FAM135B: variants seen among roughly 807,000 people sequenced by gnomAD.
The protein encoded by FAM135B is family with sequence similarity 135 member B.
A neutral mutation model predicts 127.7 loss-of-function variants in FAM135B; 43 were observed. The observed-to-expected ratio is 0.34, with a 90% CI of 0.26 to 0.43. The LOEUF (loss-of-function observed/expected upper bound fraction) is 0.43. Among genes scored for constraint, FAM135B ranks in the 20% least tolerant of loss-of-function variants. FAM135B has a pLI of 1.00. For missense variants in FAM135B, 1,558 were observed against 1,725.6 expected (o/e 0.90, Z 1.72); for synonymous variants, 670 against 665.1 (o/e 1.01, Z -0.11).
rs764191800 is a variant in FAM135B, at chr8:138,152,844, T to A, written c.1631A>T (p.Glu544Val). 10 of 1,614,088 alleles carry A rather than the reference T, an allele frequency of 6.2e-6. No individual in the cohort carries two copies. Among genetic ancestry groups the A allele is most frequent in the African/African-American group, 2.7e-5 (2 of 74,946 alleles). The change falls in exon 13 of 20, where the codon GAG becomes GTG. Residue 544 changes from glutamate to valine, a missense_variant. Physicochemically the swap from Glu to Val is moderately radical, Grantham distance 121 (BLOSUM62 -2). This residue lies in a region of FAM135B where 923 missense variants were observed against 865.3 expected (regional missense o/e 1.07). Transcript: ENST00000395297. ...GGTCAGCACTGGGGCCTGTCCATCCTCTGGACCTGGACTCCTTCTAGAAGT... is the reference window on the plus strand; with the variant it reads ...GGTCAGCACTGGGGCCTGTCCATCCACTGGACCTGGACTCCTTCTAGAAGT... ...VDTSRRSPGP[E>V]DGQAPVLTYI...
At chr8:138,489,741 C>CACATCCT (rs1233726333) in intron 1 of FAM135B, among the ~76,000 whole-genome samples, 1 of 152,206 alleles carries the variant, frequency 6.6e-6, no homozygotes, top group African/African-American at 2.4e-5. Context: ...TCTGAGCCCA[C>CACATCCT]ACATCCTACT....
At chr8:138,238,342 T>C (rs963018710) in intron 7 of FAM135B, among the ~76,000 whole-genome samples, 11 of 152,194 alleles carry the variant, frequency 7.2e-5, no homozygotes, top group African/African-American at 2.4e-4. Context: ...GGCATTAGTA[T>C]ATCCTTTGAC....
intron 1 of FAM135B, among the ~76,000 whole-genome samples, chr8:138,390,484 T>C (rs1832500558): frequency 6.6e-6 from 1 of 152,188 alleles, no homozygotes; most frequent in Non-Finnish European, 1.5e-5. Context: ...CACACCTCTT[T>C]TTCTTTATAA....
intron 13 of FAM135B, among the ~76,000 whole-genome samples, chr8:138,149,652 C>A (rs1817960933): frequency 6.6e-6 from 1 of 152,080 alleles, no homozygotes; most frequent in Non-Finnish European, 1.5e-5. Flanking sequence ...TTAGCCTCAT[C>A]ATCATCATCA....
chr8:138,429,486 G>A lies in FAM135B; in HGVS notation c.-19-61484C>T, dbSNP rs147418186. On this transcript the variant is annotated intron_variant, in intron 1 of 19. Coordinates refer to ENST00000395297, the MANE Select transcript of FAM135B (RefSeq NM_015912.4). ...TATTTTAACTGCACCTTCTTGGCAC[G>A]TAAAGGAAGCAAACAACAATTTGTT... Among the ~76,000 whole-genome samples, 20 of 152,236 alleles carry A rather than the reference G, an allele frequency of 1.3e-4. No homozygotes were observed. The East Asian group carries it at 2.5e-3, about 19-fold the overall frequency.
chr8:138,266,038 A>T (rs1227202910), intron 3 of FAM135B, among the ~76,000 whole-genome samples, 196 bp from the exon 4 acceptor site: 1 of 152,126 alleles, frequency 6.6e-6, no homozygotes, highest in Admixed American at 6.5e-5. Context: ...ATCTCAGAAA[A>T]ACCTTGTTCC....
rs1412047817 is a variant in FAM135B, at chr8:138,496,884, G to C, written c.-233C>G. On this transcript the variant is annotated 5_prime_UTR_variant, in exon 1 of 20. Transcript: ENST00000395297. ...GCGGATGCTGCCCTCGCCCGCCGCCGCCGGTGCTGATGCGGTTGCTATGGT... is the reference window on the plus strand; with the variant it reads ...GCGGATGCTGCCCTCGCCCGCCGCCCCCGGTGCTGATGCGGTTGCTATGGT... The C allele has an allele frequency of 6.6e-6, 1 of 151,352 alleles. No homozygotes were observed. The highest frequency in any genetic ancestry group is 1.5e-5 in the Non-Finnish European group (1 of 67,954). 9.4% of individuals were successfully genotyped at this position (151,352 alleles called of 1,614,324 possible). A position where few individuals can be genotyped will look rare whatever the true frequency, so the allele number is the denominator to read the frequency against.
chr8:138,413,897 A>C (rs1337724821), intron 1 of FAM135B, among the ~76,000 whole-genome samples: 4 of 152,060 alleles, frequency 2.6e-5, no homozygotes, highest in Middle Eastern at 3.4e-3. Context: ...GGTGGGTGAC[A>C]AGCATTTTTC....
chr8:138,411,534 T>C (rs1242509700), intron 1 of FAM135B, among the ~76,000 whole-genome samples: 9 of 152,110 alleles, frequency 5.9e-5, no homozygotes, highest in Admixed American at 2.6e-4. Context: ...ATAAAAACCC[T>C]AGAAGAAAAC....
chr8:138,312,230 C>A (rs1826742021), intron 2 of FAM135B, among the ~76,000 whole-genome samples: 1 of 152,174 alleles, frequency 6.6e-6, no homozygotes, highest in Non-Finnish European at 1.5e-5. Flanking sequence ...CAGACATAAG[C>A]CACCATGCCC....
At chr8:138,408,085 A>G (rs530067307) in intron 1 of FAM135B, among the ~76,000 whole-genome samples, 1 of 152,320 alleles carries the variant, frequency 6.6e-6, no homozygotes, top group African/African-American at 2.4e-5. Context: ...GGACCCTAGG[A>G]TTTTTGGAAC....
In FAM135B at chr8:138,366,870, T is replaced by A. The variant is rs1017007116; in HGVS notation, c.77+1037A>T. Among the ~76,000 whole-genome samples the A allele has an allele frequency of 2.0e-5, 3 of 152,154 alleles. No individual in the cohort carries two copies. The South Asian group carries it at 6.2e-4, about 32-fold the overall frequency. ...CAGTGGAATGTATTAGAAAAACAACTTTATGCAAATTCCAAGACTGAACAA... is the reference window on the plus strand; with the variant it reads ...CAGTGGAATGTATTAGAAAAACAACATTATGCAAATTCCAAGACTGAACAA... On this transcript the variant is annotated intron_variant, in intron 2 of 19. Coordinates refer to ENST00000395297, the MANE Select transcript of FAM135B (RefSeq NM_015912.4).
chr8:138,399,921 T>G (rs2131360073), intron 1 of FAM135B, among the ~76,000 whole-genome samples: 1 of 152,300 alleles, frequency 6.6e-6, no homozygotes. Context: ...ATCCCTGAGC[T>G]TACCTGGCCT....
chr8:138,367,251 G>A (rs1830796261), intron 2 of FAM135B: 15 of 365,118 alleles, frequency 4.1e-5, no homozygotes, highest in South Asian at 3.1e-4. Context: ...CATGTCAAAA[G>A]TAGTAGCAAT....
chr8:138,374,237 A>G (rs569464557), intron 1 of FAM135B, among the ~76,000 whole-genome samples: 2 of 152,118 alleles, frequency 1.3e-5, no homozygotes, highest in African/African-American at 4.8e-5. Context: ...AAAAGAACCT[A>G]CGTGACTCTT....
chr8:138,278,076 C>T (rs961748907), intron 3 of FAM135B, among the ~76,000 whole-genome samples: 2 of 152,042 alleles, frequency 1.3e-5, no homozygotes, highest in African/African-American at 4.8e-5. Context: ...GCTGATGGTG[C>T]CCCTGGTGCC....
intron 1 of FAM135B, among the ~76,000 whole-genome samples, chr8:138,418,698 A>G (rs1834311547): frequency 6.6e-6 from 1 of 152,208 alleles, no homozygotes. Flanking sequence ...AGCAAAGCTA[A>G]GCTTCGTAAA....
chr8:138,236,214 C>T (rs144519611), intron 7 of FAM135B, among the ~76,000 whole-genome samples: 16 of 152,278 alleles, frequency 1.1e-4, no homozygotes, highest in South Asian at 2.1e-4. Context: ...CAGAAACGCA[C>T]CCTGCTCTGG....
Position 138,496,513 on chromosome 8 carries a change from G to C in FAM135B, c.-20+158C>G, listed in dbSNP as rs145516980. 5.3e-3 allele frequency among the ~76,000 whole-genome samples: 812 copies of C among 152,330 alleles called. 4 individuals are homozygous for C. The highest frequency in any genetic ancestry group is 8.6e-3 in the Non-Finnish European group (587 of 68,028). On this transcript the variant is annotated intron_variant, in intron 1 of 19. Transcript: ENST00000395297. ...AGATGTGCAGCAAACCTGGAGGGCA[G>C]AGAGACTGGGGAAAATCGAGGGAGA...
Sources: gnomAD v4.1 joint callset for allele counts (sites outside exome capture counted in the v4.1 genomes callset) on GRCh38, gnomAD v4.1.1 for gene constraint, gnomAD v4.1.1 regional missense constraint, MANE v1.5 for transcripts, NCBI Gene and HGNC (gene_info 2026-07-23, HGNC 2026-07-21) for gene names.